NFIB: variants seen among roughly 807,000 people sequenced by gnomAD.
NFIB encodes nuclear factor 1 B-type.
In NFIB, 11 loss-of-function variants were observed where a neutral mutation model predicts 61.5. That is an observed-to-expected ratio of 0.18 (90% CI 0.11 to 0.30). The LOEUF is 0.30. Ranked by LOEUF, NFIB falls within the 10% of genes least tolerant of loss-of-function variation. The probability of loss-of-function intolerance (pLI) is 1.00; values close to 1 mark genes in which losing one functional copy is unlikely to be tolerated. For synonymous variants in NFIB, 260 were observed against 216.5 expected (o/e 1.20, Z -1.76); for missense variants, 471 against 608.9 (o/e 0.77, Z 2.38).
chr9:14,294,245 C>A (rs149984903), intron 2 of NFIB, among the ~76,000 whole-genome samples: 2 of 152,212 alleles, frequency 1.3e-5, no homozygotes, highest in South Asian at 4.1e-4. Flanking sequence ...GTAAATAGAA[C>A]AGAAATTGTT....
At chr9:14,135,037 C>T (rs535508077) in intron 6 of NFIB, among the ~76,000 whole-genome samples, 4 of 151,442 alleles carry the variant, frequency 2.6e-5, no homozygotes, top group South Asian at 2.1e-4. Context: ...AAATAGAACG[C>T]ACCGAAATGC....
At chr9:14,334,132 G>T (rs2132855999) in intron 1 of NFIB, among the ~76,000 whole-genome samples, 1 of 152,284 alleles carries the variant, frequency 6.6e-6, no homozygotes, top group South Asian at 2.1e-4. Context: ...CAAACCTTGG[G>T]TTGTTTCCAG....
chr9:14,122,400 C>G (rs1316202905), intron 7 of NFIB, among the ~76,000 whole-genome samples: 1 of 152,138 alleles, frequency 6.6e-6, no homozygotes, highest in Non-Finnish European at 1.5e-5. Context: ...CCTAGGGGAT[C>G]AGGACCTCTA....
At chr9:14,207,973 G>C (rs1463734938) in intron 2 of NFIB, among the ~76,000 whole-genome samples, 1 of 152,160 alleles carries the variant, frequency 6.6e-6, no homozygotes, top group African/African-American at 2.4e-5. Flanking sequence ...TTCCCATACA[G>C]AGCACAGCAC....
chr9:14,120,425 C>G lies in NFIB; in HGVS notation c.1245+15G>C. On this transcript the variant is annotated intron_variant, in intron 8 of 10. Coordinates refer to ENST00000380953, the MANE Select transcript of NFIB (RefSeq NM_001190737.2). This position sits in a 1 kb window ranked among gnomAD's most constrained non-coding sequence, Gnocchi z 4.4. Reference sequence around the variant, plus strand: ...CTCCCTTAGGTGCTAATCTTATTTTCTCTCTTATTTTTACCTGGCTGGTTT... The same window carrying G: ...CTCCCTTAGGTGCTAATCTTATTTTGTCTCTTATTTTTACCTGGCTGGTTT... 1 of 1,613,238 alleles carries G rather than the reference C, an allele frequency of 6.2e-7. No homozygotes were observed. Among genetic ancestry groups the G allele is most frequent in the Non-Finnish European group, 8.5e-7 (1 of 1,179,306 alleles).
chr9:14,293,932 C>T (rs1159125558), intron 2 of NFIB, among the ~76,000 whole-genome samples: 5 of 152,240 alleles, frequency 3.3e-5, no homozygotes, highest in African/African-American at 9.6e-5. Flanking sequence ...AAATGAATTC[C>T]GTATTTTATC....
chr9:14,244,009 C>T (rs1334689857), intron 2 of NFIB, among the ~76,000 whole-genome samples: 1 of 152,182 alleles, frequency 6.6e-6, no homozygotes, highest in Non-Finnish European at 1.5e-5. Flanking sequence ...ATAGGACACA[C>T]AAATCAGTAC....
At chr9:14,448,893 G>C in the NFIB span, among the ~76,000 whole-genome samples, 119 of 152,314 alleles carry the variant, frequency 7.8e-4, no homozygotes, top group Admixed American at 1.3e-3. Flanking sequence ...TCTTGCATAA[G>C]TGAGGATTGG....
chr9:14,266,694 T>G (rs113438256), intron 2 of NFIB, among the ~76,000 whole-genome samples: 1 of 152,130 alleles, frequency 6.6e-6, no homozygotes, highest in African/African-American at 2.4e-5. Context: ...CATCTCAGCA[T>G]TGATTCAGTG....
chr9:14,516,532 C>T, the NFIB span, among the ~76,000 whole-genome samples: 1 of 152,198 alleles, frequency 6.6e-6, no homozygotes, highest in Admixed American at 6.5e-5. Flanking sequence ...CATTTAAGCT[C>T]CTTGGCATTG....
chr9:14,442,862 C>A, the NFIB span, among the ~76,000 whole-genome samples: 1 of 152,142 alleles, frequency 6.6e-6, no homozygotes, highest in Non-Finnish European at 1.5e-5. Flanking sequence ...ACAACGGTAT[C>A]ACTAATGTGT....
the NFIB span, among the ~76,000 whole-genome samples, chr9:14,518,664 A>C: frequency 6.7e-6 from 1 of 149,896 alleles, no homozygotes; most frequent in Non-Finnish European, 1.5e-5. Flanking sequence ...GAAACTCAAG[A>C]AAAAAAAAAG....
chr9:14,531,178 T>C, the NFIB span, among the ~76,000 whole-genome samples: 2 of 152,184 alleles, frequency 1.3e-5, no homozygotes, highest in East Asian at 3.9e-4. Flanking sequence ...ACAACTTCTC[T>C]CTTCCCAATA....
chr9:14,528,901 A>G, the NFIB span, among the ~76,000 whole-genome samples: 2 of 152,172 alleles, frequency 1.3e-5, no homozygotes, highest in South Asian at 4.1e-4. Flanking sequence ...ATACATTCCA[A>G]GTGGTATTTT....
chr9:14,152,848 G>C (rs1408960956), intron 4 of NFIB, among the ~76,000 whole-genome samples: 3 of 151,902 alleles, frequency 2.0e-5, no homozygotes, highest in African/African-American at 7.2e-5. Flanking sequence ...TCTCATCGAA[G>C]GGGTTGTCAG....
the NFIB span, among the ~76,000 whole-genome samples, chr9:14,445,759 G>A: frequency 2.2e-4 from 33 of 152,190 alleles, no homozygotes; most frequent in African/African-American, 7.2e-4. Flanking sequence ...CTGTGTTCTC[G>A]AATGAGATTA....
At chr9:14,230,412 G>A (rs1648738969) in intron 2 of NFIB, among the ~76,000 whole-genome samples, 1 of 152,118 alleles carries the variant, frequency 6.6e-6, no homozygotes. Flanking sequence ...AACTTAGAGA[G>A]CAACAGAAAT....
intron 2 of NFIB, among the ~76,000 whole-genome samples, chr9:14,231,120 GAAAAAAAA>G (rs1188458970): frequency 1.5e-5 from 1 of 65,808 alleles, no homozygotes; most frequent in African/African-American, 5.8e-5. Flanking sequence ...TTTCCATGGG[GAAAAAAAA>G]AAAAAAAATA....
chr9:14,354,778 CTCTGTG>C (rs1236177304), intron 1 of NFIB, among the ~76,000 whole-genome samples: 1 of 126,422 alleles, frequency 7.9e-6, no homozygotes, highest in Non-Finnish European at 1.7e-5. Flanking sequence ...GTAATGGGTA[CTCTGTG>C]TGTGTGTGTG....
Sources: allele counts gnomAD v4.1 joint callset (sites outside exome capture counted in the v4.1 genomes callset), GRCh38; gene constraint gnomAD v4.1.1; non-coding constraint Gnocchi (gnomAD v3.1); transcripts MANE v1.5; gene names NCBI Gene and HGNC (gene_info 2026-07-23, HGNC 2026-07-21).